The following PARP8 variants were observed in gnomAD, a reference collection of about 807,000 sequenced individuals.
PARP8 encodes poly(ADP-ribose) polymerase family member 8.
Under a neutral mutation model 124.1 loss-of-function variants are expected in PARP8, and 51 were observed. That is an observed-to-expected ratio of 0.41 (90% CI 0.33 to 0.52). The LOEUF (loss-of-function observed/expected upper bound fraction) is 0.52, where lower values mean the gene tolerates loss of function less well. Among genes scored for constraint, PARP8 ranks in the 20% least tolerant of loss-of-function variants. The probability of loss-of-function intolerance (pLI) is 0.21; values close to 1 mark genes in which losing one functional copy is unlikely to be tolerated. For synonymous variants in PARP8, 391 were observed against 361.5 expected (o/e 1.08, Z -0.93); for missense variants, 860 against 1,018.9 (o/e 0.84, Z 2.12).
At chr5:50,685,332 A>G (rs1172873763) in intron 2 of PARP8, among the ~76,000 whole-genome samples, 1 of 152,214 alleles carries the variant, frequency 6.6e-6, no homozygotes, top group East Asian at 1.9e-4. Context: ...GGGGCCTAAC[A>G]ATGTCTTCAA....
intron 2 of PARP8, among the ~76,000 whole-genome samples, chr5:50,719,045 G>C (rs1334005572): frequency 6.6e-6 from 1 of 151,916 alleles, no homozygotes; most frequent in African/African-American, 2.4e-5. Flanking sequence ...GTTTTGGGTT[G>C]CATTTCTCTG....
At chr5:50,678,133 A>G (rs1253003315) in intron 2 of PARP8, among the ~76,000 whole-genome samples, 1 of 152,154 alleles carries the variant, frequency 6.6e-6, no homozygotes, top group African/African-American at 2.4e-5. Context: ...AGATTATAAA[A>G]CTATACTAAA....
intron 2 of PARP8, among the ~76,000 whole-genome samples, chr5:50,740,513 G>A (rs1306674413): frequency 1.3e-5 from 2 of 152,114 alleles, no homozygotes; most frequent in Non-Finnish European, 2.9e-5. Flanking sequence ...GGTCTTGCGG[G>A]GGCTTTAGGT....
At chr5:50,785,503 A>C (rs1741150958) in intron 9 of PARP8, among the ~76,000 whole-genome samples, 1 of 152,166 alleles carries the variant, frequency 6.6e-6, no homozygotes, top group African/African-American at 2.4e-5. Context: ...GCCTCTGAAG[A>C]GACTGTATCT....
intron 2 of PARP8, among the ~76,000 whole-genome samples, chr5:50,722,342 C>T (rs1308234601): frequency 6.6e-6 from 1 of 152,042 alleles, no homozygotes; most frequent in Non-Finnish European, 1.5e-5. Context: ...GTATATACTT[C>T]TATGTGTTTA....
intron 17 of PARP8, among the ~76,000 whole-genome samples, chr5:50,823,983 C>A (rs1302391918): frequency 6.6e-6 from 1 of 152,184 alleles, no homozygotes; most frequent in Non-Finnish European, 1.5e-5. Context: ...TTTATTGTGT[C>A]AAATTCTTTA....
At chr5:50,754,150 T>TATATATATATACACACACAC (rs1312947286) in intron 3 of PARP8, among the ~76,000 whole-genome samples, 2 of 37,182 alleles carry the variant, frequency 5.4e-5, no homozygotes, top group African/African-American at 2.4e-4. Context: ...TATATATATA[T>TATATATATATACACACACAC]ACACACACAC....
At chr5:50,752,416 T>A (rs1389649221) in intron 3 of PARP8, among the ~76,000 whole-genome samples, 1 of 152,058 alleles carries the variant, frequency 6.6e-6, no homozygotes, top group Non-Finnish European at 1.5e-5. Context: ...TTATTATCTC[T>A]TCTGTTTTTC....
At chr5:50,827,635 A>C (rs1309768932) in intron 19 of PARP8, among the ~76,000 whole-genome samples, 1 of 152,204 alleles carries the variant, frequency 6.6e-6, no homozygotes, top group Non-Finnish European at 1.5e-5. Context: ...GTAATTAAGA[A>C]GGCAGATCTG....
At chr5:50,808,550 A>T (rs1390856851) in intron 14 of PARP8, among the ~76,000 whole-genome samples, 1 of 151,882 alleles carries the variant, frequency 6.6e-6, no homozygotes, top group Admixed American at 6.6e-5. Context: ...GGCTTCAAGG[A>T]ATTTCCTTGT....
intron 24 of PARP8, 106 bp from the exon 25 acceptor site, chr5:50,834,824 CT>C (rs1341475399): frequency 2.2e-6 from 2 of 902,806 alleles, no homozygotes; most frequent in Non-Finnish European, 3.6e-6. Context: ...TTCATTAGTG[CT>C]TGTATTTTTG....
At chr5:50,816,297 T>G (rs1320956257) in intron 15 of PARP8, among the ~76,000 whole-genome samples, 1 of 152,158 alleles carries the variant, frequency 6.6e-6, no homozygotes, top group African/African-American at 2.4e-5. Flanking sequence ...ACAAATGGCC[T>G]GTAACGGGGA....
chr5:50,735,031 A>T (rs967783089), intron 2 of PARP8, among the ~76,000 whole-genome samples: 1 of 152,106 alleles, frequency 6.6e-6, no homozygotes, highest in Non-Finnish European at 1.5e-5. Context: ...GAAATTCATC[A>T]TGCGCAATGT....
At chr5:50,754,460 T>C (rs560316282) in intron 3 of PARP8, among the ~76,000 whole-genome samples, 1 of 152,068 alleles carries the variant, frequency 6.6e-6, no homozygotes, top group East Asian at 1.9e-4. Flanking sequence ...TGCGATAGTT[T>C]GCTGAGAATG....
At chr5:50,741,896 G>A (rs1202269129) in intron 2 of PARP8, 3 of 435,900 alleles carry the variant, frequency 6.9e-6, no homozygotes, top group Non-Finnish European at 1.4e-5. Flanking sequence ...TGCAACCTCC[G>A]CCTCCCAGGT....
At chr5:50,699,892 G>A (rs140221076) in intron 2 of PARP8, among the ~76,000 whole-genome samples, 2 of 152,238 alleles carry the variant, frequency 1.3e-5, no homozygotes, top group East Asian at 3.9e-4. Context: ...TTTCTACTCT[G>A]CCTGACACAT....
intron 12 of PARP8, among the ~76,000 whole-genome samples, chr5:50,796,015 T>A (rs1328493901): frequency 1.3e-5 from 2 of 152,210 alleles, no homozygotes; most frequent in Non-Finnish European, 2.9e-5. Context: ...ACTTCAATAA[T>A]TTAAGTCCTT....
At chr5:50,697,013 A>T (rs1753105389) in intron 2 of PARP8, among the ~76,000 whole-genome samples, 1 of 152,164 alleles carries the variant, frequency 6.6e-6, no homozygotes, top group Non-Finnish European at 1.5e-5. Context: ...TCATGCCTGT[A>T]ATCCCAGCAC....
chr5:50,749,584 T>A (rs977935252), intron 2 of PARP8, among the ~76,000 whole-genome samples: 1 of 152,124 alleles, frequency 6.6e-6, no homozygotes, highest in African/African-American at 2.4e-5. Flanking sequence ...AACAACTCAA[T>A]CCTTATGAAA....
Sources: allele counts gnomAD v4.1 joint callset (sites outside exome capture counted in the v4.1 genomes callset), GRCh38; gene constraint gnomAD v4.1.1; transcripts MANE v1.5; gene names NCBI Gene and HGNC (gene_info 2026-07-23, HGNC 2026-07-21).